Variants in EPS15 observed in about 807,000 individuals in gnomAD.
EPS15 encodes epidermal growth factor receptor pathway substrate 15, also known as epidermal growth factor receptor substrate 15.
EPS15 carries 72 observed loss-of-function variants against 113.8 expected under a neutral mutation model. The observed-to-expected ratio is 0.63, with a 90% CI of 0.52 to 0.77. EPS15 has a LOEUF of 0.77. Ranked by LOEUF, EPS15 falls within the 30% of genes least tolerant of loss-of-function variation. The pLI is 0.00. For synonymous variants in EPS15, 344 were observed against 363.4 expected, an observed-to-expected ratio of 0.95 and a Z score of 0.61; for missense variants, 1,048 against 1,045.8, an observed-to-expected ratio of 1.00 and a Z score of -0.03.
At chr1:51,518,880 G>C (rs191046555) in intron 1 of EPS15, among the ~76,000 whole-genome samples, 6,033 of 151,744 alleles carry the variant, frequency 0.04, 167 homozygotes, top group East Asian at 0.13. Flanking sequence ...CTGCCCCGCG[G>C]GAGCCGGCCC....
intron 1 of EPS15, among the ~76,000 whole-genome samples, chr1:51,495,111 T>C (rs1466279557): frequency 6.6e-6 from 1 of 152,214 alleles, no homozygotes; most frequent in Non-Finnish European, 1.5e-5. Context: ...ATCTTAGTTC[T>C]ACAACAGAAT....
At chr1:51,446,735 G>A (rs1653087820) in intron 10 of EPS15, among the ~76,000 whole-genome samples, 2 of 152,116 alleles carry the variant, frequency 1.3e-5, no homozygotes, top group Non-Finnish European at 1.5e-5. Flanking sequence ...GATTACAGGC[G>A]TGAGCCACCA....
At chr1:51,436,012 C>T (rs1216757409) in intron 12 of EPS15, among the ~76,000 whole-genome samples, 1 of 152,132 alleles carries the variant, frequency 6.6e-6, no homozygotes, top group African/African-American at 2.4e-5. Flanking sequence ...AGGTAATAAA[C>T]CCATCTATCA....
At chr1:51,457,147 C>T (rs1654062437) in intron 8 of EPS15, among the ~76,000 whole-genome samples, 1 of 152,024 alleles carries the variant, frequency 6.6e-6, no homozygotes. Flanking sequence ...ATTAGCCAGG[C>T]GTGGTGGCGG....
At chr1:51,383,740 G>A (rs1229229011) in intron 21 of EPS15, among the ~76,000 whole-genome samples, 3 of 152,136 alleles carry the variant, frequency 2.0e-5, no homozygotes, top group East Asian at 3.8e-4. Flanking sequence ...GGAAGTCCTA[G>A]CCAAAGCACT....
At chr1:51,386,694 C>A (rs956542138) in intron 21 of EPS15, among the ~76,000 whole-genome samples, 1 of 151,964 alleles carries the variant, frequency 6.6e-6, no homozygotes, top group Admixed American at 6.6e-5. Context: ...GCAGCCAATG[C>A]GATCAACTGG....
intron 12 of EPS15, among the ~76,000 whole-genome samples, chr1:51,432,783 T>C (rs1458950086): frequency 6.6e-6 from 1 of 152,164 alleles, no homozygotes; most frequent in Non-Finnish European, 1.5e-5. Context: ...AATGATGATC[T>C]ATACACTTTA....
At chr1:51,457,578 G>A (rs951982801) in intron 8 of EPS15, 1 of 131,378 alleles carries the variant, frequency 7.6e-6, no homozygotes, top group African/African-American at 2.9e-5. Flanking sequence ...TGGGACCCAA[G>A]TCTAAACATG....
chr1:51,391,729 A>G (rs72694168), intron 21 of EPS15, among the ~76,000 whole-genome samples: 3,196 of 152,296 alleles, frequency 0.021, 52 homozygotes, highest in Non-Finnish European at 0.031. Flanking sequence ...GGTAGAGTCA[A>G]TAAGATTTCC....
At chr1:51,399,848 G>C (rs1353230547) in intron 19 of EPS15, among the ~76,000 whole-genome samples, 2 of 151,784 alleles carry the variant, frequency 1.3e-5, no homozygotes, top group Non-Finnish European at 2.9e-5. Context: ...GGGCAACAGA[G>C]CAAGACTGTC....
At chr1:51,406,847 G>A (rs527646078) in intron 15 of EPS15, among the ~76,000 whole-genome samples, 1 of 152,250 alleles carries the variant, frequency 6.6e-6, no homozygotes, top group Admixed American at 6.5e-5. Context: ...AAGCAAATAT[G>A]CAGGGAAAAA....
chr1:51,424,414 C>T (rs1651031256), intron 12 of EPS15, among the ~76,000 whole-genome samples: 1 of 152,116 alleles, frequency 6.6e-6, no homozygotes. Context: ...CTTATATTCT[C>T]CCTAATTTTG....
intron 8 of EPS15, among the ~76,000 whole-genome samples, chr1:51,451,716 TAC>T (rs1313617537): frequency 6.7e-6 from 1 of 149,208 alleles, no homozygotes; most frequent in Non-Finnish European, 1.5e-5. Context: ...AAAATTTGCA[TAC>T]AGACTGTCCC....
intron 21 of EPS15, among the ~76,000 whole-genome samples, chr1:51,369,945 G>A (rs1330634728): frequency 4.6e-5 from 7 of 152,096 alleles, no homozygotes; most frequent in African/African-American, 7.2e-5. Context: ...ATTAAGAATC[G>A]TCCAAACAAA....
intron 4 of EPS15, among the ~76,000 whole-genome samples, chr1:51,468,992 T>TG (rs1180834137): frequency 6.6e-6 from 1 of 152,036 alleles, no homozygotes; most frequent in East Asian, 1.9e-4. Context: ...TAGCCAGGTG[T>TG]GGTGGCGTGC....
intron 1 of EPS15, among the ~76,000 whole-genome samples, chr1:51,500,879 G>A (rs538031633): frequency 6.6e-6 from 1 of 151,884 alleles, no homozygotes; most frequent in Admixed American, 6.5e-5. Context: ...AGCTACTTGG[G>A]AGGCTGAGGG....
At chr1:51,497,455 A>C (rs1336679051) in intron 1 of EPS15, among the ~76,000 whole-genome samples, 1 of 152,212 alleles carries the variant, frequency 6.6e-6, no homozygotes, top group African/African-American at 2.4e-5. Context: ...ATATGACCTA[A>C]TGCCCTCGAA....
intron 1 of EPS15, among the ~76,000 whole-genome samples, chr1:51,508,625 C>CA (rs746244865): frequency 6.6e-6 from 1 of 152,164 alleles, no homozygotes; most frequent in Admixed American, 6.5e-5. Flanking sequence ...AAACTTCTCT[C>CA]AGTGTCCCTG....
intron 12 of EPS15, among the ~76,000 whole-genome samples, chr1:51,434,730 G>GGCGT (rs1469920909): frequency 6.6e-6 from 1 of 152,168 alleles, no homozygotes; most frequent in Non-Finnish European, 1.5e-5. Flanking sequence ...GGAGTGCAGT[G>GGCGT]GCGTAATCTC....
Sources: allele counts gnomAD v4.1 joint callset (sites outside exome capture counted in the v4.1 genomes callset), GRCh38; gene constraint gnomAD v4.1.1; transcripts MANE v1.5; gene names NCBI Gene and HGNC (gene_info 2026-07-23, HGNC 2026-07-21).